PPM1E: variants seen among roughly 807,000 people sequenced by gnomAD.
The protein encoded by PPM1E is protein phosphatase, Mg2+/Mn2+ dependent 1E, also known as protein phosphatase 1E.
Under a neutral mutation model 65.9 loss-of-function variants are expected in PPM1E, and 20 were observed. The ratio of observed to expected loss-of-function variants is 0.30; its 90% CI spans 0.21 to 0.44. PPM1E has a LOEUF of 0.44. Among genes scored for constraint, PPM1E ranks in the 20% least tolerant of loss-of-function variants. The pLI, the probability that PPM1E is intolerant of heterozygous loss-of-function variation, is 1.00. For missense variants in PPM1E, 713 were observed against 953.1 expected (o/e 0.75, Z 3.32); for synonymous variants, 352 against 374.9 (o/e 0.94, Z 0.70).
chr17:58,955,704 C>T lies in PPM1E; in HGVS notation c.520C>T (p.Leu174Phe). The T allele has an allele frequency of 6.2e-7, 1 of 1,613,492 alleles. No homozygotes were observed. The highest frequency in any genetic ancestry group is 8.5e-7 in the Non-Finnish European group (1 of 1,179,854). Reference protein sequence around the residue: ...ALARATSDEVLQSDLSAHYIP... With the variant: ...ALARATSDEVFQSDLSAHYIP... ...AGCCAGAGCCACATCAGATGAAGTC[C>T]TTCAGAGTGATCTTTCTGCACATTA... The change falls in exon 2 of 7, where the codon CTT (leucine) becomes TTT (phenylalanine). Residue 174 changes from leucine (L) to phenylalanine (F), a missense_variant. This residue lies in a region of PPM1E where 84 missense variants were observed against 113.9 expected (regional missense o/e 0.74). Coordinates refer to ENST00000308249, the MANE Select transcript of PPM1E (RefSeq NM_014906.5).
At chr17:58,843,811 C>G (rs1444914170) in intron 1 of PPM1E, among the ~76,000 whole-genome samples, 3 of 151,958 alleles carry the variant, frequency 2.0e-5, no homozygotes, top group African/African-American at 7.3e-5. Flanking sequence ...AGCCTGGGCA[C>G]AGAGCTAGAC....
chr17:58,978,766 T>C (rs2031183046), intron 6 of PPM1E, among the ~76,000 whole-genome samples: 1 of 152,192 alleles, frequency 6.6e-6, no homozygotes, highest in African/African-American at 2.4e-5. Context: ...GGTTACCTCA[T>C]AGGCTAAGGA....
At chr17:58,824,703 C>T (rs1388587251) in intron 1 of PPM1E, among the ~76,000 whole-genome samples, 4 of 151,710 alleles carry the variant, frequency 2.6e-5, no homozygotes, top group Non-Finnish European at 5.9e-5. Flanking sequence ...ATTCTCTGGC[C>T]TCAGGCTCCC....
intron 1 of PPM1E, among the ~76,000 whole-genome samples, chr17:58,913,971 G>A (rs1467494633): frequency 6.6e-6 from 1 of 152,156 alleles, no homozygotes; most frequent in African/African-American, 2.4e-5. Flanking sequence ...AGCAAGGAGA[G>A]TGTTATCATC....
chr17:58,970,296 G>GT (rs1381666825), intron 4 of PPM1E, among the ~76,000 whole-genome samples: 6 of 151,946 alleles, frequency 3.9e-5, no homozygotes, highest in African/African-American at 1.2e-4. Context: ...TCAGACCTAA[G>GT]TTTTTTTTAC....
chr17:58,980,156 GCC>G lies in PPM1E; in HGVS notation c.1395_1396del (p.His466GlnfsTer8). On this transcript the variant is annotated frameshift_variant, in exon 7 of 7. Transcript: ENST00000308249. LOFTEE classifies it high-confidence loss of function. The surrounding 1 kb of genome is among the most constrained non-coding windows in gnomAD (Gnocchi z 4.7). ...KENNGDSSMV[A>X]HKLVASARDA... The stretch of plus-strand genomic sequence containing the variant: ...GAATAATGGAGACAGCAGCATGGTT[GCC>G]CACAAATTAGTGGCATCAGCTCGTG... 1 of 1,614,144 alleles carries G rather than the reference GCC, an allele frequency of 6.2e-7. No individual in the cohort carries two copies. The highest frequency in any genetic ancestry group is 8.5e-7 in the Non-Finnish European group (1 of 1,180,014).
intron 3 of PPM1E, among the ~76,000 whole-genome samples, chr17:58,967,326 A>G (rs1233514448): frequency 1.3e-5 from 2 of 152,148 alleles, no homozygotes; most frequent in Non-Finnish European, 2.9e-5. Context: ...AATTATCTAA[A>G]TCATGAAAGG....
intron 1 of PPM1E, among the ~76,000 whole-genome samples, chr17:58,872,478 T>C (rs1163964836): frequency 1.3e-5 from 2 of 152,174 alleles, no homozygotes; most frequent in Non-Finnish European, 2.9e-5. Context: ...GTGACAGATA[T>C]CACTGGAGGT....
At chr17:58,880,395 A>G (rs1221089665) in intron 1 of PPM1E, among the ~76,000 whole-genome samples, 1 of 152,186 alleles carries the variant, frequency 6.6e-6, no homozygotes, top group Non-Finnish European at 1.5e-5. Flanking sequence ...TGAAAGGATT[A>G]GGAATATGAA....
chr17:58,980,454 T>G lies in PPM1E; in HGVS notation c.1691T>G (p.Leu564Arg). The G allele has an allele frequency of 6.2e-7, 1 of 1,614,162 alleles. No individual in the cohort carries two copies. Among genetic ancestry groups the G allele is most frequent in the Non-Finnish European group, 8.5e-7 (1 of 1,180,016 alleles). The change falls in exon 7 of 7, where the codon CTG becomes CGG. Residue 564 changes from leucine (L) to arginine (R), a missense_variant. Leu to Arg is a moderately radical substitution (Grantham distance 102). Transcript: ENST00000308249. This position sits in a 1 kb window ranked among gnomAD's most constrained non-coding sequence, Gnocchi z 4.7. ...AGCCCAGGGTCCCAAATCAACGTGC[T>G]GGAAGACCCAGGCTACCTAGATCTC... Reference protein sequence around the residue: ...SLSPGSQINVLEDPGYLDLTQ... With the variant: ...SLSPGSQINVREDPGYLDLTQ...
At chr17:58,862,239 A>G (rs1248622543) in intron 1 of PPM1E, among the ~76,000 whole-genome samples, 1 of 152,250 alleles carries the variant, frequency 6.6e-6, no homozygotes, top group African/African-American at 2.4e-5. Flanking sequence ...CTTTTGGCAA[A>G]GGAATTTTAA....
intron 1 of PPM1E, among the ~76,000 whole-genome samples, chr17:58,796,337 G>A (rs1157446502): frequency 6.6e-6 from 1 of 152,140 alleles, no homozygotes; most frequent in Non-Finnish European, 1.5e-5. Context: ...GAGCCATCCT[G>A]CCCGGCTTGG....
chr17:58,801,259 G>C (rs1359068184), intron 1 of PPM1E, among the ~76,000 whole-genome samples: 1 of 152,018 alleles, frequency 6.6e-6, no homozygotes, highest in Non-Finnish European at 1.5e-5. Flanking sequence ...CTCCAATTGT[G>C]ATTGTAATTT....
chr17:58,952,711 C>T (rs1422618007), intron 1 of PPM1E, among the ~76,000 whole-genome samples: 1 of 152,068 alleles, frequency 6.6e-6, no homozygotes, highest in Non-Finnish European at 1.5e-5. Context: ...CAGAGTCTTG[C>T]ACTCTGGGCT....
At position 58,983,063 on chromosome 17, in the gene PPM1E, G is replaced by A; in HGVS notation, c.*2032G>A. 1.3e-6 allele frequency: 1 copy of A among 742,786 alleles called. No homozygotes were observed. Among genetic ancestry groups the A allele is most frequent in the Non-Finnish European group, 2.1e-6 (1 of 473,052 alleles). 46.0% of individuals were successfully genotyped at this position (742,786 alleles called of 1,614,324 possible). On this transcript the variant is annotated 3_prime_UTR_variant, in exon 7 of 7. Coordinates refer to ENST00000308249, the MANE Select transcript of PPM1E (RefSeq NM_014906.5). ...TTTTGATCAGAATAAAGAGGGTAAAGGGAAAAAGTTACTACACATGCTAGG... is the reference window on the plus strand; with the variant it reads ...TTTTGATCAGAATAAAGAGGGTAAAAGGAAAAAGTTACTACACATGCTAGG...
At chr17:58,893,685 G>A (rs1029697415) in intron 1 of PPM1E, among the ~76,000 whole-genome samples, 1 of 152,126 alleles carries the variant, frequency 6.6e-6, no homozygotes, top group African/African-American at 2.4e-5. Flanking sequence ...CTGTCGATAG[G>A]GAGGGAGGCT....
In PPM1E at chr17:58,981,322, T is replaced by G; in HGVS notation, c.*291T>G. ...TCATGTCACTAGATACACAACCCCC[T>G]TCCCACCATCCCTTCAGTCACTAGT... On this transcript the variant is annotated 3_prime_UTR_variant, in exon 7 of 7. Transcript: ENST00000308249. The G allele has an allele frequency of 6.5e-6, 2 of 306,984 alleles. No homozygotes were observed. Among genetic ancestry groups the G allele is most frequent in the East Asian group, 6.4e-5 (1 of 15,688 alleles). 19.0% of individuals were successfully genotyped at this position (306,984 alleles called of 1,614,324 possible).
At chr17:58,831,715 T>C (rs1205708186) in intron 1 of PPM1E, among the ~76,000 whole-genome samples, 1 of 152,198 alleles carries the variant, frequency 6.6e-6, no homozygotes, top group African/African-American at 2.4e-5. Flanking sequence ...CATCCCCCTA[T>C]TGGACAGTTT....
intron 1 of PPM1E, among the ~76,000 whole-genome samples, chr17:58,954,966 T>C (rs2029866500): frequency 6.6e-6 from 1 of 151,918 alleles, no homozygotes; most frequent in Non-Finnish European, 1.5e-5. Context: ...ACGACATAAC[T>C]GAGTCTTTTT....
Sources: gnomAD v4.1 joint callset for allele counts (sites outside exome capture counted in the v4.1 genomes callset) on GRCh38, gnomAD v4.1.1 for gene constraint, gnomAD v4.1.1 regional missense constraint, Gnocchi (gnomAD v3.1) non-coding constraint, MANE v1.5 for transcripts, NCBI Gene and HGNC (gene_info 2026-07-23, HGNC 2026-07-21) for gene names.